The following CEP63 variants were observed in gnomAD, a reference collection of about 807,000 sequenced individuals.
CEP63 encodes the protein centrosomal protein 63, also known as centrosomal protein of 63 kDa.
Under a neutral mutation model 89.1 loss-of-function variants are expected in CEP63, and 84 were observed. That is an observed-to-expected ratio of 0.94 (90% CI 0.79 to 1.13). The LOEUF (loss-of-function observed/expected upper bound fraction) is 1.13. Ranked by LOEUF, CEP63 falls within the 50% of genes most tolerant of loss-of-function variation. CEP63 has a pLI of 0.00. For synonymous variants in CEP63, 267 were observed against 272.5 expected (o/e 0.98, Z 0.20); for missense variants, 838 against 813.3 (o/e 1.03, Z -0.37).
downstream of CEP63, chr3:134,565,136 A>T (rs1957695534): frequency 5.0e-6 from 1 of 198,260 alleles, no homozygotes; most frequent in African/African-American, 2.4e-5. Flanking sequence ...TGGTGTTTAC[A>T]GATAATGTTT....
chr3:134,701,736 G>T, the CEP63 span, among the ~76,000 whole-genome samples: 730 of 152,070 alleles, frequency 4.8e-3, 24 homozygotes, highest in East Asian at 0.052. Flanking sequence ...GGGCAATCAG[G>T]CAAGAGAAAG....
At chr3:134,649,281 G>A in the CEP63 span, among the ~76,000 whole-genome samples, 1 of 152,276 alleles carries the variant, frequency 6.6e-6, no homozygotes, top group East Asian at 1.9e-4. Flanking sequence ...GAGCCATGGC[G>A]AGTTTGTGCT....
At chr3:134,526,478 G>T (rs944173608) in intron 3 of CEP63, among the ~76,000 whole-genome samples, 2 of 152,030 alleles carry the variant, frequency 1.3e-5, no homozygotes, top group Admixed American at 6.5e-5. Flanking sequence ...CTATACTGCC[G>T]ATTTTGTCTG....
In CEP63 at chr3:134,562,260, G is replaced by A. The variant is rs564935327; in HGVS notation, c.*725G>A. ...ACAAAGATCTGGATGTTGATGTGCCGCAGGCATTTGAAACGATGGGAGTTG... is the reference window on the plus strand; with the variant it reads ...ACAAAGATCTGGATGTTGATGTGCCACAGGCATTTGAAACGATGGGAGTTG... On this transcript the variant is annotated 3_prime_UTR_variant, in exon 15 of 15. Coordinates refer to ENST00000675561, the MANE Select transcript of CEP63 (RefSeq NM_001353108.3). The A allele has an allele frequency of 3.7e-5, 36 of 968,742 alleles. No individual in the cohort carries two copies. In the Admixed American group the frequency reaches 6.8e-4, roughly 18 times the overall value. The allele number at this position is 968,742 out of a possible 1,614,324, so 60.0% of individuals were successfully genotyped here. A position where few individuals can be genotyped will look rare whatever the true frequency, so the allele number is the denominator to read the frequency against.
the CEP63 span, among the ~76,000 whole-genome samples, chr3:134,760,645 C>T: frequency 2.0e-5 from 3 of 152,332 alleles, no homozygotes; most frequent in African/African-American, 4.8e-5. Context: ...ACTCAGTCCT[C>T]ATGACAATGA....
At chr3:134,571,174 C>T (rs1957994675) in intron 11 of CEP63, among the ~76,000 whole-genome samples, 1 of 152,212 alleles carries the variant, frequency 6.6e-6, no homozygotes, top group Admixed American at 6.5e-5. Flanking sequence ...AGTCAAATTC[C>T]CCAGAGCCAG....
the CEP63 span, among the ~76,000 whole-genome samples, chr3:134,715,645 C>T: frequency 1.3e-5 from 2 of 151,436 alleles, no homozygotes; most frequent in East Asian, 1.9e-4. Flanking sequence ...CAGAGCAATG[C>T]GGGGCTAGGT....
chr3:134,671,963 C>A, the CEP63 span, among the ~76,000 whole-genome samples: 1 of 152,090 alleles, frequency 6.6e-6, no homozygotes, highest in Non-Finnish European at 1.5e-5. Context: ...AGGGTGAGGA[C>A]CTGGGCTGGC....
At chr3:134,668,181 G>A in the CEP63 span, among the ~76,000 whole-genome samples, 1 of 152,130 alleles carries the variant, frequency 6.6e-6, no homozygotes, top group East Asian at 1.9e-4. Context: ...GGAAATACTT[G>A]GAACTGGAAG....
At chr3:134,672,772 A>G in the CEP63 span, among the ~76,000 whole-genome samples, 25 of 152,116 alleles carry the variant, frequency 1.6e-4, no homozygotes, top group Admixed American at 9.2e-4. Context: ...TTCAGCTCCA[A>G]TTATGTGTTG....
At chr3:134,670,023 G>T in the CEP63 span, among the ~76,000 whole-genome samples, 1 of 152,162 alleles carries the variant, frequency 6.6e-6, no homozygotes, top group Non-Finnish European at 1.5e-5. Flanking sequence ...TCTGCAATGA[G>T]AGGTTATGGT....
chr3:134,640,592 G>T, the CEP63 span, among the ~76,000 whole-genome samples: 1 of 152,146 alleles, frequency 6.6e-6, no homozygotes, highest in African/African-American at 2.4e-5. Flanking sequence ...GAGCCCAAAG[G>T]TTGTCAAGGC....
the CEP63 span, among the ~76,000 whole-genome samples, chr3:134,609,284 C>T: frequency 2.0e-5 from 3 of 152,222 alleles, no homozygotes; most frequent in East Asian, 3.9e-4. Context: ...TCTCCAGGGC[C>T]GACTGGAGTG....
rs375453412 is a variant in CEP63 at position 134,547,490 on chromosome 3, C to G, written c.1067+18C>G. On this transcript the variant is annotated intron_variant, in intron 9 of 14. Coordinates refer to ENST00000675561, the MANE Select transcript of CEP63 (RefSeq NM_001353108.3). ...GAAGGCAGGTACATAATTATACACA[C>G]ATTTCAAAAATTTCAAGTTGTTAAA... 3.1e-6 allele frequency: 5 copies of G among 1,608,176 alleles called. 1 individual carries two copies. In the South Asian group the frequency reaches 5.5e-5, roughly 18 times the overall value.
intron 6 of CEP63, among the ~76,000 whole-genome samples, chr3:134,538,555 G>GTATATATATATATATA (rs1322990322): frequency 4.7e-5 from 2 of 42,502 alleles, no homozygotes; most frequent in South Asian, 9.0e-4. Context: ...ATATATATAT[G>GTATATATATATATATA]TATATATATA....
chr3:134,713,431 C>T, the CEP63 span, among the ~76,000 whole-genome samples: 3 of 152,328 alleles, frequency 2.0e-5, no homozygotes, highest in Admixed American at 2.0e-4. Context: ...TTCTTACTAC[C>T]TGGACATGAT....
chr3:134,719,095 G>A, the CEP63 span, among the ~76,000 whole-genome samples: 2 of 152,272 alleles, frequency 1.3e-5, no homozygotes, highest in East Asian at 1.9e-4. Context: ...AACTACCATA[G>A]GGCCTTGCTC....
chr3:134,542,618 C>G (rs965945483), intron 6 of CEP63, among the ~76,000 whole-genome samples: 1 of 152,192 alleles, frequency 6.6e-6, no homozygotes, highest in African/African-American at 2.4e-5. Context: ...TCACATTGTT[C>G]ATAGTAATCT....
rs192786669 is a variant in CEP63, at chr3:134,506,095, T to A, written c.45-1014T>A. Among the ~76,000 whole-genome samples, 6 of 152,322 alleles carry A rather than the reference T, an allele frequency of 3.9e-5. No homozygotes were observed. The East Asian group carries it at 1.2e-3, about 29-fold the overall frequency. On this transcript the variant is annotated intron_variant, in intron 2 of 14. Coordinates refer to ENST00000675561, the MANE Select transcript of CEP63 (RefSeq NM_001353108.3). ...CAAAAGTACAAAGGTTCTGTCACACTAAGAACAGGTGCTTTTTGAAAGTAT... is the reference window on the plus strand; with the variant it reads ...CAAAAGTACAAAGGTTCTGTCACACAAAGAACAGGTGCTTTTTGAAAGTAT...
Sources: allele counts gnomAD v4.1 joint callset (sites outside exome capture counted in the v4.1 genomes callset), GRCh38; gene constraint gnomAD v4.1.1; transcripts MANE v1.5; gene names NCBI Gene and HGNC (gene_info 2026-07-23, HGNC 2026-07-21).